TENM2: variants seen among roughly 807,000 people sequenced by gnomAD.
The protein encoded by TENM2 is teneurin-2.
In TENM2, 52 loss-of-function variants were observed where a neutral mutation model predicts 245.2. The observed-to-expected ratio is 0.21, with a 90% CI of 0.17 to 0.27. TENM2 has a LOEUF of 0.27. TENM2 is among the 10% of genes least tolerant of loss of function. The pLI is 1.00. For synonymous variants in TENM2, 1,363 were observed against 1,438.9 expected (o/e 0.95, Z 1.19); for missense variants, 3,046 against 3,666.8 (o/e 0.83, Z 4.37).
At chr5:167,436,451 A>T (rs1312695465) in intron 2 of TENM2, among the ~76,000 whole-genome samples, 1 of 152,184 alleles carries the variant, frequency 6.6e-6, no homozygotes, top group Non-Finnish European at 1.5e-5. Flanking sequence ...CAGTTTCAAA[A>T]GGGAGACAGC....
chr5:167,695,182 T>C (rs1016151546), intron 2 of TENM2, among the ~76,000 whole-genome samples: 1 of 152,092 alleles, frequency 6.6e-6, no homozygotes, highest in African/African-American at 2.4e-5. Context: ...ATTAAATAAG[T>C]TGGGTCACAT....
intron 1 of TENM2, among the ~76,000 whole-genome samples, chr5:167,368,344 G>A (rs1383640326): frequency 6.6e-6 from 1 of 152,078 alleles, no homozygotes; most frequent in Middle Eastern, 3.4e-3. Flanking sequence ...ATATAGTCAT[G>A]TTACAGCAAA....
the TENM2 span, among the ~76,000 whole-genome samples, chr5:167,198,733 C>T: frequency 6.6e-6 from 1 of 151,996 alleles, no homozygotes; most frequent in African/African-American, 2.4e-5. Context: ...ATTGATCATC[C>T]GCCACTAGTC....
At chr5:167,718,373 A>G (rs1486448826) in intron 2 of TENM2, among the ~76,000 whole-genome samples, 1 of 152,208 alleles carries the variant, frequency 6.6e-6, no homozygotes, top group Non-Finnish European at 1.5e-5. Flanking sequence ...GCTGGTGACC[A>G]GGGCAAGTTA....
chr5:167,059,636 A>G, the TENM2 span, among the ~76,000 whole-genome samples: 4 of 152,066 alleles, frequency 2.6e-5, no homozygotes, highest in Non-Finnish European at 5.9e-5. Context: ...CTGGTTACTA[A>G]CAGCTACTGA....
chr5:167,915,808 G>A (rs1050891267), intron 3 of TENM2, among the ~76,000 whole-genome samples: 3 of 152,152 alleles, frequency 2.0e-5, no homozygotes, highest in Non-Finnish European at 2.9e-5. Flanking sequence ...TGAAAAGATT[G>A]TATTTCCTTG....
At chr5:168,015,605 A>G (rs1381664456) in intron 5 of TENM2, among the ~76,000 whole-genome samples, 1 of 152,212 alleles carries the variant, frequency 6.6e-6, no homozygotes, top group Non-Finnish European at 1.5e-5. Context: ...GGGAGACCAG[A>G]GTGCCTCAAA....
intron 13 of TENM2, among the ~76,000 whole-genome samples, chr5:168,188,451 G>A (rs1050087740): frequency 1.3e-5 from 2 of 152,184 alleles, no homozygotes; most frequent in African/African-American, 4.8e-5. Flanking sequence ...GTTCTTATCA[G>A]AAATTCCAAG....
the TENM2 span, among the ~76,000 whole-genome samples, chr5:167,169,022 G>C: frequency 6.6e-6 from 1 of 152,206 alleles, no homozygotes; most frequent in Non-Finnish European, 1.5e-5. Context: ...GCCTTCCAAA[G>C]TGCTGGGATT....
At chr5:168,050,221 A>C (rs1350550622) in intron 6 of TENM2, among the ~76,000 whole-genome samples, 1 of 152,230 alleles carries the variant, frequency 6.6e-6, no homozygotes, top group African/African-American at 2.4e-5. Context: ...AAACTTAAAA[A>C]GAGATCAGAT....
chr5:168,134,750 C>A (rs1754898375), intron 12 of TENM2, among the ~76,000 whole-genome samples: 1 of 152,212 alleles, frequency 6.6e-6, no homozygotes, highest in South Asian at 2.1e-4. Context: ...CACAAATTTG[C>A]TTCCAATCCC....
At chr5:167,900,111 T>TAAAAAAAAAAAAAAAAAAAAA (rs71853736) in intron 3 of TENM2, among the ~76,000 whole-genome samples, 2 of 43,450 alleles carry the variant, frequency 4.6e-5, no homozygotes, top group African/African-American at 2.4e-4. Flanking sequence ...CTCAACCCAC[T>TAAAAAAAAAAAAAAAAAAAAA]AAAAAAAAAA....
chr5:167,816,393 T>G (rs1767059140), intron 2 of TENM2, among the ~76,000 whole-genome samples: 1 of 152,218 alleles, frequency 6.6e-6, no homozygotes, highest in African/African-American at 2.4e-5. Context: ...GGAAACAAGA[T>G]GACTGCTTTC....
intron 2 of TENM2, among the ~76,000 whole-genome samples, chr5:167,605,646 C>G (rs1409212810): frequency 1.3e-5 from 2 of 152,204 alleles, no homozygotes; most frequent in Non-Finnish European, 2.9e-5. Context: ...GACATCAAAT[C>G]CAGTGTTACT....
chr5:168,260,169 C>T (rs1768051770), intron 27 of TENM2, 114 bp from the exon 30 acceptor site: 10 of 1,088,824 alleles, frequency 9.2e-6, no homozygotes, highest in Admixed American at 6.0e-5. Context: ...CTTCCTCCCT[C>T]CCCTTTGGGC....
intron 1 of TENM2, chr5:167,287,312 AT>A (rs1236737451): frequency 6.6e-6 from 1 of 152,128 alleles, no homozygotes; most frequent in Non-Finnish European, 1.5e-5. Flanking sequence ...AATAACAATA[AT>A]TTTTTTAAAT....
the TENM2 span, among the ~76,000 whole-genome samples, chr5:167,135,634 G>A: frequency 6.6e-6 from 1 of 152,076 alleles, no homozygotes; most frequent in East Asian, 1.9e-4. Flanking sequence ...AAATTAGCCA[G>A]GTATGGGTGG....
chr5:168,193,495 C>A (rs547267907), intron 14 of TENM2, among the ~76,000 whole-genome samples: 1 of 152,266 alleles, frequency 6.6e-6, no homozygotes. Context: ...TGAATCTTTT[C>A]TGCAAATTGA....
chr5:168,213,799 T>C (rs1191765546), intron 20 of TENM2, among the ~76,000 whole-genome samples: 1 of 152,094 alleles, frequency 6.6e-6, no homozygotes, highest in Non-Finnish European at 1.5e-5. Context: ...GTGCCACTGC[T>C]CTCCAATGAG....
Sources: allele counts gnomAD v4.1 joint callset (sites outside exome capture counted in the v4.1 genomes callset), GRCh38; gene constraint gnomAD v4.1.1; transcripts MANE v1.5; gene names NCBI Gene and HGNC (gene_info 2026-07-23, HGNC 2026-07-21).